The following MINDY4 variants were observed in gnomAD, a reference collection of about 807,000 sequenced individuals.
MINDY4 encodes MINDY lysine 48 deubiquitinase 4, also known as probable ubiquitin carboxyl-terminal hydrolase MINDY-4.
In MINDY4, 68 loss-of-function variants were observed where a neutral mutation model predicts 87.0. The ratio of observed to expected loss-of-function variants is 0.78; its 90% CI spans 0.64 to 0.96. The LOEUF (loss-of-function observed/expected upper bound fraction) is 0.96, where lower values mean the gene tolerates loss of function less well. Ranked by LOEUF, MINDY4 falls within the 40% of genes least tolerant of loss-of-function variation. The pLI, the probability that MINDY4 is intolerant of heterozygous loss-of-function variation, is 0.00. For synonymous variants in MINDY4, 379 were observed against 363.2 expected (o/e 1.04, Z -0.50); for missense variants, 919 against 928.2 (o/e 0.99, Z 0.13).
chr7:30,782,718 A>G (rs978393695), intron 3 of MINDY4, among the ~76,000 whole-genome samples: 1 of 152,132 alleles, frequency 6.6e-6, no homozygotes, highest in Non-Finnish European at 1.5e-5. Flanking sequence ...AAAGAAAAAA[A>G]AAAGTTTATT....
At chr7:30,830,099 C>G (rs111503968) in intron 6 of MINDY4, among the ~76,000 whole-genome samples, 16 of 152,178 alleles carry the variant, frequency 1.1e-4, no homozygotes, top group African/African-American at 3.4e-4. Context: ...TTGAGCAGTT[C>G]AGAAACAAAA....
intron 7 of MINDY4, 32 bp from the exon 8 acceptor site, chr7:30,839,168 A>G: frequency 1.0e-5 from 15 of 1,457,746 alleles, no homozygotes; most frequent in Non-Finnish European, 1.3e-5. Context: ...TGCTTTTAAA[A>G]CAACCAGTAA....
intron 9 of MINDY4, among the ~76,000 whole-genome samples, chr7:30,849,858 T>TCAAG (rs1374271715): frequency 6.6e-6 from 1 of 152,202 alleles, no homozygotes; most frequent in East Asian, 1.9e-4. Flanking sequence ...AGCCACATTG[T>TCAAG]CCTTATTTTG....
chr7:30,834,628 A>G (rs1441913826), intron 6 of MINDY4, among the ~76,000 whole-genome samples: 1 of 152,244 alleles, frequency 6.6e-6, no homozygotes, highest in African/African-American at 2.4e-5. Context: ...TCTCTTCAGA[A>G]AATGGGGTTT....
intron 1 of MINDY4, among the ~76,000 whole-genome samples, chr7:30,775,424 GGT>G (rs1786779673): frequency 6.6e-6 from 1 of 152,210 alleles, no homozygotes; most frequent in Non-Finnish European, 1.5e-5. Context: ...CATAGGGCAA[GGT>G]GTGGGTGGAG....
chr7:30,812,279 G>GGC lies in MINDY4; in HGVS notation c.1074-16399_1074-16398insCG, dbSNP rs1554279874. Reference sequence around the variant, plus strand: ...AATGTGTATGTGTGTTGAGGGGGGGGGGGTATGTATGTATGCATTGAGAGA... The same window carrying GGC: ...AATGTGTATGTGTGTTGAGGGGGGGGGCGGGTATGTATGTATGCATTGAGAGA... On this transcript the variant is annotated intron_variant, in intron 5 of 17. Coordinates refer to ENST00000265299, the MANE Select transcript of MINDY4 (RefSeq NM_032222.3). Among the ~76,000 whole-genome samples the GGC allele has an allele frequency of 1.5e-3, 143 of 97,420 alleles. 2 individuals are homozygous for GGC. The highest frequency in any genetic ancestry group is 7.7e-3 in the African/African-American group (135 of 17,524). 63.9% of individuals were successfully genotyped at this position (97,420 alleles called of 152,430 possible).
At chr7:30,786,196 G>A (rs539925855) in intron 4 of MINDY4, 9 of 629,122 alleles carry the variant, frequency 1.4e-5, no homozygotes, top group Non-Finnish European at 1.9e-5. Flanking sequence ...CTCCTTTCCT[G>A]CCCTTAGCTT....
chr7:30,828,788 C>T (rs755954323), intron 6 of MINDY4, 51 bp downstream of exon 6: 13 of 1,587,632 alleles, frequency 8.2e-6, no homozygotes, highest in Non-Finnish European at 1.0e-5. Context: ...CCAAGGGGTC[C>T]TCGTTGGCTC....
Position 30,863,347 on chromosome 7 carries a change from G to A in MINDY4, c.1745+4023G>A, listed in dbSNP as rs117858971. ...ATACAGCATGTGTATGTGTACATTC[G>A]TGGTGGTGTGATAGTGTGTGTGCGG... On this transcript the variant is annotated intron_variant, in intron 13 of 17. Transcript: ENST00000265299. Among the ~76,000 whole-genome samples, 806 of 152,328 alleles carry A rather than the reference G, an allele frequency of 5.3e-3. 7 individuals are homozygous for A. Among genetic ancestry groups the A allele is most frequent in the African/African-American group, 0.018 (738 of 41,568 alleles).
At chr7:30,806,626 G>T (rs1461843217) in intron 5 of MINDY4, among the ~76,000 whole-genome samples, 1 of 152,254 alleles carries the variant, frequency 6.6e-6, no homozygotes, top group Non-Finnish European at 1.5e-5. Flanking sequence ...CCATGGCCAG[G>T]GCTCCTGTGC....
chr7:30,822,567 T>C (rs988967872), intron 5 of MINDY4, among the ~76,000 whole-genome samples: 1 of 152,206 alleles, frequency 6.6e-6, no homozygotes, highest in Non-Finnish European at 1.5e-5. Flanking sequence ...AGGCTTTATT[T>C]TTTTTCAATC....
chr7:30,864,925 T>C (rs1789886933), intron 13 of MINDY4, among the ~76,000 whole-genome samples: 2 of 152,216 alleles, frequency 1.3e-5, no homozygotes, highest in African/African-American at 4.8e-5. Flanking sequence ...CTGGGGGGAA[T>C]CACGGGGGTG....
intron 6 of MINDY4, among the ~76,000 whole-genome samples, chr7:30,832,032 G>GC (rs1788720483): frequency 6.6e-6 from 1 of 152,128 alleles, no homozygotes; most frequent in East Asian, 1.9e-4. Context: ...CCACGTCTGG[G>GC]CCCGAGGCCT....
rs998779738 is a variant in MINDY4 at position 30,830,384 on chromosome 7, T to C, written c.1132+1647T>C. Among the ~76,000 whole-genome samples the C allele has an allele frequency of 2.6e-5, 4 of 152,178 alleles. No homozygotes were observed. The East Asian group carries it at 7.7e-4, about 29-fold the overall frequency. On this transcript the variant is annotated intron_variant, in intron 6 of 17. Transcript: ENST00000265299. ...CCAGGTTCTGTGATGGGTTTCTGTA[T>C]TAGTGTATTCTCATGCTGCTAATAA...
At position 30,875,537 on chromosome 7, in the gene MINDY4, G is replaced by A. The variant is rs370655350; in HGVS notation, c.1852G>A (p.Val618Ile). ...LLLTGKAVSN[V>I]FNDVVELDSG... The stretch of plus-strand genomic sequence containing the variant: ...CCTGACTGGGAAAGCTGTGTCCAAC[G>A]TTTTCAACGATGTGGTTGAGCTGGA... Residue 618 changes from valine to isoleucine, a missense_variant, in exon 15 of 18, where the codon GTT (valine) becomes ATT (isoleucine). Coordinates refer to ENST00000265299, the MANE Select transcript of MINDY4 (RefSeq NM_032222.3). 1.1e-5 allele frequency: 18 copies of A among 1,614,098 alleles called. No individual in the cohort carries two copies. The highest frequency in any genetic ancestry group is 4.5e-5 in the East Asian group (2 of 44,904).
At chr7:30,804,269 A>G (rs1377637475) in intron 5 of MINDY4, among the ~76,000 whole-genome samples, 1 of 152,162 alleles carries the variant, frequency 6.6e-6, no homozygotes, top group Non-Finnish European at 1.5e-5. Context: ...TTCTCTACTC[A>G]TTCCACAAGA....
chr7:30,807,846 A>G (rs1478340255), intron 5 of MINDY4, among the ~76,000 whole-genome samples: 1 of 152,202 alleles, frequency 6.6e-6, no homozygotes, highest in Non-Finnish European at 1.5e-5. Flanking sequence ...CTCTGTTAGA[A>G]TTGTGCGCCC....
chr7:30,771,548 A>T lies in MINDY4; in HGVS notation c.55A>T (p.Ser19Cys). The T allele has an allele frequency of 6.2e-7, 1 of 1,600,454 alleles. No homozygotes were observed. Among genetic ancestry groups the T allele is most frequent in the South Asian group, 1.1e-5 (1 of 87,756 alleles). The change falls in exon 1 of 18, where the codon AGC becomes TGC. Residue 19 changes from serine (S) to cysteine (C), a missense_variant. Physicochemically the swap from Ser to Cys is moderately radical, Grantham distance 112 (BLOSUM62 -1). Coordinates refer to ENST00000265299, the MANE Select transcript of MINDY4 (RefSeq NM_032222.3). ...CGCCTCCTTGGTCAGGGAGTTCCTCAGCAGAAAGGTAACGGCTCGCCCCCT... is the reference window on the plus strand; with the variant it reads ...CGCCTCCTTGGTCAGGGAGTTCCTCTGCAGAAAGGTAACGGCTCGCCCCCT... ...VAASLVREFLSRKGLKKTCVT... is the reference protein window; with the variant it reads ...VAASLVREFLCRKGLKKTCVT...
intron 4 of MINDY4, 75 bp from the exon 5 acceptor site, chr7:30,791,090 A>G: frequency 7.2e-7 from 1 of 1,385,972 alleles, no homozygotes. Flanking sequence ...ATCATGGGCA[A>G]ATGCTTGAAG....
Sources: allele counts gnomAD v4.1 joint callset (sites outside exome capture counted in the v4.1 genomes callset), GRCh38; gene constraint gnomAD v4.1.1; transcripts MANE v1.5; gene names NCBI Gene and HGNC (gene_info 2026-07-23, HGNC 2026-07-21).